STXBP6: variants seen among roughly 807,000 people sequenced by gnomAD.
The protein encoded by STXBP6 is syntaxin-binding protein 6.
Under a neutral mutation model 26.9 loss-of-function variants are expected in STXBP6, and 21 were observed. The ratio of observed to expected loss-of-function variants is 0.78; its 90% confidence interval spans 0.55 to 1.12. The LOEUF is 1.12. Ranked by LOEUF, STXBP6 falls within the 50% of genes most tolerant of loss-of-function variation. STXBP6 has a pLI of 0.00. For missense variants in STXBP6, 232 were observed against 257.9 expected, an observed-to-expected ratio of 0.90 and a Z score of 0.69; for synonymous variants, 97 against 92.6, an observed-to-expected ratio of 1.05 and a Z score of -0.27.
At position 25,049,571 on chromosome 14, in the gene STXBP6, C is replaced by G; in HGVS notation, c.-33+307G>C. On this transcript the variant is annotated intron_variant, in intron 1 of 5. Transcript: ENST00000323944. This position sits in a 1 kb window ranked among gnomAD's most constrained non-coding sequence, Gnocchi z 5.6. ...AAAAAGGCTCCATCCTCAACTTTCT[C>G]GGAGGAAATCGCTCCGTTCTGCGGC... 1 of 985,468 alleles carries G rather than the reference C, an allele frequency of 1.0e-6. No homozygotes were observed. Among genetic ancestry groups the G allele is most frequent in the Non-Finnish European group, 1.2e-6 (1 of 829,990 alleles). 61.0% of individuals were successfully genotyped at this position (985,468 alleles called of 1,614,324 possible). A position where few individuals can be genotyped will look rare whatever the true frequency, so the allele number is the denominator to read the frequency against.
intron 2 of STXBP6, among the ~76,000 whole-genome samples, chr14:24,894,242 T>A (rs1395341034): frequency 6.6e-6 from 1 of 152,182 alleles, no homozygotes; most frequent in Non-Finnish European, 1.5e-5. Context: ...AAGACGTAGG[T>A]CTGAAATAAA....
chr14:24,946,916 G>A (rs1451858948), intron 2 of STXBP6, among the ~76,000 whole-genome samples: 1 of 152,054 alleles, frequency 6.6e-6, no homozygotes, highest in East Asian at 1.9e-4. Context: ...GGAGAAGACC[G>A]AGATGACTGG....
Position 24,809,624 on chromosome 14 carries a change from T to C in STXBP6, c.*3085A>G, listed in dbSNP as rs905874922. 1 of 152,222 alleles carries C rather than the reference T, an allele frequency of 6.6e-6. No homozygotes were observed. Among genetic ancestry groups the C allele is most frequent in the South Asian group, 2.1e-4 (1 of 4,832 alleles). 9.4% of individuals were successfully genotyped at this position (152,222 alleles called of 1,614,324 possible). On this transcript the variant is annotated 3_prime_UTR_variant, in exon 6 of 6. Coordinates refer to ENST00000323944, the MANE Select transcript of STXBP6 (RefSeq NM_001394410.1). ...CATGTACTTATTTGGTAGTGTTTTA[T>C]AGAGTTCATAAATAACTGCAAGAAA...
chr14:25,046,867 T>C (rs2075736033), intron 1 of STXBP6, among the ~76,000 whole-genome samples: 1 of 152,144 alleles, frequency 6.6e-6, no homozygotes. Flanking sequence ...ACTGATCAGC[T>C]GCCCCTGAAA....
At chr14:24,970,062 T>G (rs2073856407) in intron 2 of STXBP6, among the ~76,000 whole-genome samples, 1 of 152,054 alleles carries the variant, frequency 6.6e-6, no homozygotes, top group Non-Finnish European at 1.5e-5. Context: ...GCCAACATGG[T>G]GAAACACCGT....
chr14:24,927,852 T>C (rs374656935), intron 2 of STXBP6, among the ~76,000 whole-genome samples: 228 of 152,338 alleles, frequency 1.5e-3, no homozygotes, highest in African/African-American at 5.3e-3. Flanking sequence ...TACTTGCAAC[T>C]TTAATAAAAA....
rs183823576 is a variant in STXBP6, at chr14:25,015,796, C to G, written c.-33+34082G>C. 1.4e-3 allele frequency among the ~76,000 whole-genome samples: 191 copies of G among 131,766 alleles called. 1 individual carries two copies. Among genetic ancestry groups the G allele is most frequent in the Non-Finnish European group, 1.6e-3 (104 of 63,446 alleles). The allele number at this position is 131,766 out of a possible 152,430, so 86.4% of individuals were successfully genotyped here. On this transcript the variant is annotated intron_variant, in intron 1 of 5. Coordinates refer to ENST00000323944, the MANE Select transcript of STXBP6 (RefSeq NM_001394410.1). ...CTGTTATTAAATTAACAAACAACAACAAGGAAAAAAAAAAAAAAGCTCAAA... is the reference window on the plus strand; with the variant it reads ...CTGTTATTAAATTAACAAACAACAAGAAGGAAAAAAAAAAAAAAGCTCAAA...
At chr14:24,913,930 T>C (rs1447215843) in intron 2 of STXBP6, among the ~76,000 whole-genome samples, 1 of 152,150 alleles carries the variant, frequency 6.6e-6, no homozygotes, top group Non-Finnish European at 1.5e-5. Flanking sequence ...CAGTTTGGCC[T>C]TTCCCTTTCA....
At chr14:24,954,761 T>TC (rs1304141169) in intron 2 of STXBP6, among the ~76,000 whole-genome samples, 2 of 152,118 alleles carry the variant, frequency 1.3e-5, no homozygotes, top group African/African-American at 4.8e-5. Context: ...TTAGCAACAG[T>TC]CCCCCCTTGG....
intron 2 of STXBP6, among the ~76,000 whole-genome samples, chr14:24,857,618 A>C (rs756479698): frequency 6.6e-6 from 1 of 152,044 alleles, no homozygotes; most frequent in South Asian, 2.1e-4. Flanking sequence ...CTAGTTTTAT[A>C]GTCCAGTGTA....
At chr14:24,999,615 T>C (rs1024405547) in intron 1 of STXBP6, among the ~76,000 whole-genome samples, 5 of 152,176 alleles carry the variant, frequency 3.3e-5, no homozygotes, top group African/African-American at 4.8e-5. Flanking sequence ...TTAGGTCTGA[T>C]GTGTGGGTAG....
At chr14:24,836,151 T>C (rs1177300074) in intron 4 of STXBP6, among the ~76,000 whole-genome samples, 1 of 152,246 alleles carries the variant, frequency 6.6e-6, no homozygotes, top group Non-Finnish European at 1.5e-5. Context: ...CTTTACTGAT[T>C]TTTTAATAAG....
intron 2 of STXBP6, among the ~76,000 whole-genome samples, chr14:24,969,079 A>C (rs971851950): frequency 3.3e-5 from 5 of 152,348 alleles, no homozygotes; most frequent in East Asian, 1.9e-4. Flanking sequence ...TACGCTCCTA[A>C]TACATGTCAT....
At chr14:24,975,492 G>A (rs1419744662) in intron 1 of STXBP6, among the ~76,000 whole-genome samples, 1 of 152,102 alleles carries the variant, frequency 6.6e-6, no homozygotes, top group African/African-American at 2.4e-5. Flanking sequence ...ACCATGCTCT[G>A]TACCCTTGAC....
intron 2 of STXBP6, among the ~76,000 whole-genome samples, chr14:24,874,184 G>A (rs1466672780): frequency 6.6e-6 from 1 of 152,098 alleles, no homozygotes; most frequent in African/African-American, 2.4e-5. Flanking sequence ...CCTTTTGAGG[G>A]TACAGGGAAT....
chr14:24,827,471 C>A (rs967834211), intron 4 of STXBP6, among the ~76,000 whole-genome samples: 1 of 152,100 alleles, frequency 6.6e-6, no homozygotes, highest in Admixed American at 6.6e-5. Context: ...GCTCCTCCTA[C>A]ATTCATTGTG....
At chr14:24,919,064 C>G (rs1257260328) in intron 2 of STXBP6, among the ~76,000 whole-genome samples, 1 of 152,060 alleles carries the variant, frequency 6.6e-6, no homozygotes, top group Non-Finnish European at 1.5e-5. Flanking sequence ...GTCACACATC[C>G]TTGCCTAACT....
chr14:24,882,350 G>C (rs1171508705), intron 2 of STXBP6, among the ~76,000 whole-genome samples: 5 of 107,898 alleles, frequency 4.6e-5, no homozygotes, highest in Non-Finnish European at 6.9e-5. Context: ...CTGCACTCCA[G>C]CCTGGGCGAC....
chr14:24,937,777 G>A (rs1322321012), intron 2 of STXBP6, among the ~76,000 whole-genome samples: 1 of 152,130 alleles, frequency 6.6e-6, no homozygotes, highest in East Asian at 1.9e-4. Context: ...TACTGTTTCT[G>A]ACATTAAGCT....
Sources: allele counts gnomAD v4.1 joint callset (sites outside exome capture counted in the v4.1 genomes callset), GRCh38; gene constraint gnomAD v4.1.1; non-coding constraint Gnocchi (gnomAD v3.1); transcripts MANE v1.5; gene names NCBI Gene and HGNC (gene_info 2026-07-23, HGNC 2026-07-21).